The following SORBS2 variants were observed in gnomAD, a reference collection of about 807,000 sequenced individuals.
The protein encoded by SORBS2 is sorbin and SH3 domain containing 2, also known as sorbin and SH3 domain-containing protein 2.
A neutral mutation model predicts 97.7 loss-of-function variants in SORBS2; 46 were observed. That is an observed-to-expected ratio of 0.47 (90% CI 0.37 to 0.60). The LOEUF (loss-of-function observed/expected upper bound fraction) is 0.60. Among genes scored for constraint, SORBS2 ranks in the 20% least tolerant of loss-of-function variants. The pLI, the probability that SORBS2 is intolerant of heterozygous loss-of-function variation, is 0.00. For synonymous variants in SORBS2, 476 were observed against 473.4 expected, an observed-to-expected ratio of 1.01 and a Z score of -0.07; for missense variants, 1,316 against 1,282.3, an observed-to-expected ratio of 1.03 and a Z score of -0.40.
chr4:185,842,838 G>A (rs2099212394), intron 1 of SORBS2, among the ~76,000 whole-genome samples: 1 of 150,066 alleles, frequency 6.7e-6, no homozygotes, highest in Non-Finnish European at 1.5e-5. Context: ...AGGAGGCTGA[G>A]GCAAGGGAAT....
chr4:185,610,149 A>T (rs1321155431), intron 12 of SORBS2, among the ~76,000 whole-genome samples: 2 of 152,204 alleles, frequency 1.3e-5, no homozygotes, highest in African/African-American at 4.8e-5. Context: ...ATTGCCATTA[A>T]ATATTATATT....
At chr4:185,685,770 G>A (rs1020300394) in intron 2 of SORBS2, among the ~76,000 whole-genome samples, 35 of 152,202 alleles carry the variant, frequency 2.3e-4, no homozygotes, top group Middle Eastern at 3.4e-3. Context: ...GGCTCTTTCC[G>A]CCTCGGCCTC....
At chr4:185,629,586 T>A in intron 5 of SORBS2, among the ~76,000 whole-genome samples, 1 of 140,784 alleles carries the variant, frequency 7.1e-6, no homozygotes. Flanking sequence ...TTTTTTAGAC[T>A]GAGTCTTGCT....
intron 12 of SORBS2, among the ~76,000 whole-genome samples, chr4:185,600,012 C>T (rs753167848): frequency 3.3e-5 from 5 of 152,206 alleles, no homozygotes; most frequent in South Asian, 2.1e-4. Context: ...CACTGGGCTA[C>T]GAGGAGGCTT....
chr4:185,917,752 A>G (rs1222159448), intron 1 of SORBS2, among the ~76,000 whole-genome samples: 1 of 152,134 alleles, frequency 6.6e-6, no homozygotes, highest in African/African-American at 2.4e-5. Context: ...ATTTTCAGGT[A>G]GACAGCATCA....
At chr4:185,749,060 A>T (rs1006778560) in intron 2 of SORBS2, among the ~76,000 whole-genome samples, 1 of 152,246 alleles carries the variant, frequency 6.6e-6, no homozygotes, top group Non-Finnish European at 1.5e-5. Context: ...TGGCTTTTAA[A>T]AAAAGATTAT....
At chr4:185,782,980 A>G (rs2099038345) in intron 1 of SORBS2, among the ~76,000 whole-genome samples, 1 of 152,226 alleles carries the variant, frequency 6.6e-6, no homozygotes, top group South Asian at 2.1e-4. Flanking sequence ...AATCATCAAG[A>G]TACAGCATGA....
At chr4:185,872,262 T>C (rs1251006675) in intron 1 of SORBS2, among the ~76,000 whole-genome samples, 2 of 152,190 alleles carry the variant, frequency 1.3e-5, no homozygotes, top group Non-Finnish European at 2.9e-5. Flanking sequence ...ATACAGTGAA[T>C]GCAGTTAATT....
intron 2 of SORBS2, among the ~76,000 whole-genome samples, chr4:185,724,925 C>T (rs1042317854): frequency 6.6e-6 from 1 of 152,134 alleles, no homozygotes; most frequent in African/African-American, 2.4e-5. Context: ...TTTCTCTCAC[C>T]GCAGCATCTG....
chr4:185,869,889 T>A (rs751396656), intron 1 of SORBS2, among the ~76,000 whole-genome samples: 9 of 152,256 alleles, frequency 5.9e-5, no homozygotes, highest in Non-Finnish European at 8.8e-5. Flanking sequence ...TCTCGAGGAA[T>A]AATTTAAAGG....
chr4:185,638,234 GA>G, intron 4 of SORBS2, 72 bp from the exon 15 acceptor site: 1 of 924,784 alleles, frequency 1.1e-6, no homozygotes, highest in African/African-American at 1.6e-5. Context: ...TGTGTGGCAT[GA>G]AAAACTCACG....
chr4:185,873,247 C>G (rs754589791), intron 1 of SORBS2, among the ~76,000 whole-genome samples: 2 of 152,048 alleles, frequency 1.3e-5, no homozygotes, highest in African/African-American at 2.4e-5. Context: ...TCTGACACAC[C>G]GTTTGCATCT....
intron 1 of SORBS2, among the ~76,000 whole-genome samples, chr4:185,931,333 CTCT>C (rs1198055603): frequency 6.6e-6 from 1 of 152,138 alleles, no homozygotes; most frequent in South Asian, 2.1e-4. Flanking sequence ...ATTATAATAA[CTCT>C]TTTACTGCTA....
intron 1 of SORBS2, among the ~76,000 whole-genome samples, chr4:185,864,989 G>C (rs2648118): frequency 0.054 from 8,274 of 151,922 alleles, 767 homozygotes; most frequent in African/African-American, 0.19. Context: ...TGAACGGGAG[G>C]GGCGGACAGC....
chr4:185,615,422 T>C (rs962208669), intron 9 of SORBS2, among the ~76,000 whole-genome samples: 1 of 152,134 alleles, frequency 6.6e-6, no homozygotes, highest in Non-Finnish European at 1.5e-5. Context: ...ATAAGAAGTT[T>C]AAAGGAGGGG....
chr4:185,728,931 C>G (rs1023423382), intron 2 of SORBS2, among the ~76,000 whole-genome samples: 1 of 152,232 alleles, frequency 6.6e-6, no homozygotes, highest in African/African-American at 2.4e-5. Flanking sequence ...TGCATGTTTT[C>G]TGAGGGGAGT....
rs576972293 is a variant in SORBS2 at position 185,855,431 on chromosome 4, C to T, written c.-337-80065G>A. Among the ~76,000 whole-genome samples, 7 of 152,164 alleles carry T rather than the reference C, an allele frequency of 4.6e-5. No individual in the cohort carries two copies. The South Asian group carries it at 1.5e-3, about 32-fold the overall frequency. On this transcript the variant is annotated intron_variant, in intron 1 of 20. Coordinates refer to the SORBS2 transcript ENST00000284776. ...AACAGCACATAGCAGACATAGCAAA[C>T]ATAAGCACTTTACACCGAGAACACT... is the stretch of plus-strand genomic sequence containing the variant.
intron 1 of SORBS2, among the ~76,000 whole-genome samples, chr4:185,875,052 G>A (rs1171884618): frequency 6.6e-6 from 1 of 152,012 alleles, no homozygotes; most frequent in Non-Finnish European, 1.5e-5. Flanking sequence ...AAATTCCCTG[G>A]AAGTTCTAAT....
At chr4:185,861,774 T>A (rs919600395) in intron 1 of SORBS2, among the ~76,000 whole-genome samples, 3 of 151,928 alleles carry the variant, frequency 2.0e-5, no homozygotes, top group African/African-American at 4.8e-5. Flanking sequence ...CCTGGCTAAT[T>A]TTTGTAGTTT....
Sources: allele counts gnomAD v4.1 joint callset (sites outside exome capture counted in the v4.1 genomes callset), GRCh38; gene constraint gnomAD v4.1.1; transcripts MANE v1.5; gene names NCBI Gene and HGNC (gene_info 2026-07-23, HGNC 2026-07-21).